The following GRM5 variants were observed in gnomAD, a reference collection of about 807,000 sequenced individuals.
The protein encoded by GRM5 is metabotropic glutamate receptor 5.
Under a neutral mutation model 83.1 loss-of-function variants are expected in GRM5, and 19 were observed. That is an observed-to-expected ratio of 0.23 (90% CI 0.16 to 0.34). The LOEUF is 0.34. Among genes scored for constraint, GRM5 ranks in the 10% least tolerant of loss-of-function variants. The pLI is 1.00. For synonymous variants in GRM5, 675 were observed against 633.6 expected, an observed-to-expected ratio of 1.07 and a Z score of -0.98; for missense variants, 1,160 against 1,588.3, an observed-to-expected ratio of 0.73 and a Z score of 4.58.
chr11:89,043,757 T>A (rs1406711518), intron 2 of GRM5, among the ~76,000 whole-genome samples: 1 of 152,122 alleles, frequency 6.6e-6, no homozygotes, highest in Non-Finnish European at 1.5e-5. Flanking sequence ...AATTATGTGA[T>A]TGCAATTAGC....
intron 2 of GRM5, among the ~76,000 whole-genome samples, chr11:89,006,142 C>G (rs1940517523): frequency 6.6e-6 from 1 of 152,092 alleles, no homozygotes; most frequent in Non-Finnish European, 1.5e-5. Flanking sequence ...AACAGTATAG[C>G]AGAAAGAGGA....
intron 3 of GRM5, among the ~76,000 whole-genome samples, chr11:88,660,413 A>T (rs887889283): frequency 9.9e-5 from 15 of 152,204 alleles, no homozygotes; most frequent in African/African-American, 3.6e-4. Flanking sequence ...GATTTTCACT[A>T]GTTGAACTCT....
intron 2 of GRM5, among the ~76,000 whole-genome samples, chr11:88,928,907 T>TATATATATAC (rs369951090): frequency 8.1e-4 from 112 of 138,754 alleles, no homozygotes; most frequent in East Asian, 1.3e-3. Context: ...TATGTGTATA[T>TATATATATAC]ACACACACAC....
At chr11:88,829,196 C>A (rs1307984342) in intron 3 of GRM5, among the ~76,000 whole-genome samples, 1 of 152,132 alleles carries the variant, frequency 6.6e-6, no homozygotes, top group South Asian at 2.1e-4. Context: ...CTTGGTGGCT[C>A]ATGCCTATAA....
intron 6 of GRM5, among the ~76,000 whole-genome samples, chr11:88,596,725 C>T (rs1437530892): frequency 6.6e-6 from 1 of 152,042 alleles, no homozygotes; most frequent in Non-Finnish European, 1.5e-5. Flanking sequence ...TCTTTCTTAA[C>T]AAAATCATCA....
intron 2 of GRM5, among the ~76,000 whole-genome samples, chr11:89,000,663 C>T (rs1277430011): frequency 6.6e-6 from 1 of 151,756 alleles, no homozygotes; most frequent in Non-Finnish European, 1.5e-5. Context: ...AATTTGACAC[C>T]AAATACAAGA....
intron 2 of GRM5, among the ~76,000 whole-genome samples, chr11:88,895,808 AG>A (rs1945220070): frequency 6.6e-6 from 1 of 151,984 alleles, no homozygotes; most frequent in African/African-American, 2.4e-5. Context: ...TATAGAATTA[AG>A]GTCTGTGTGA....
intron 2 of GRM5, among the ~76,000 whole-genome samples, chr11:88,859,580 TG>T (rs1944529048): frequency 6.6e-6 from 1 of 152,148 alleles, no homozygotes; most frequent in African/African-American, 2.4e-5. Flanking sequence ...TGAAACAATT[TG>T]CCAAATAATT....
chr11:88,732,622 C>A (rs939615155), intron 3 of GRM5, among the ~76,000 whole-genome samples: 1 of 152,010 alleles, frequency 6.6e-6, no homozygotes, highest in Non-Finnish European at 1.5e-5. Flanking sequence ...ATCAAAGTTT[C>A]TTTTCCTGCT....
intron 7 of GRM5, among the ~76,000 whole-genome samples, chr11:88,590,175 G>C (rs1937613780): frequency 6.6e-6 from 1 of 152,140 alleles, no homozygotes; most frequent in Non-Finnish European, 1.5e-5. Context: ...ACAATTAACA[G>C]AAGAAAAGAA....
intron 4 of GRM5, among the ~76,000 whole-genome samples, chr11:88,635,933 A>C (rs1939107632): frequency 6.6e-6 from 1 of 152,194 alleles, no homozygotes; most frequent in Non-Finnish European, 1.5e-5. Context: ...AATGTATTAA[A>C]ATTTTAGTTT....
At chr11:88,742,253 G>T (rs1942045356) in intron 3 of GRM5, among the ~76,000 whole-genome samples, 1 of 151,768 alleles carries the variant, frequency 6.6e-6, no homozygotes, top group African/African-American at 2.4e-5. Flanking sequence ...ACTTTATAAA[G>T]CACTTTCATA....
chr11:88,902,335 C>T (rs1450320234), intron 2 of GRM5, among the ~76,000 whole-genome samples: 4 of 152,046 alleles, frequency 2.6e-5, no homozygotes, highest in African/African-American at 9.7e-5. Context: ...CCCAGACTCA[C>T]ATTCTATCTG....
At chr11:88,536,019 T>C (rs1942122835) in intron 8 of GRM5, among the ~76,000 whole-genome samples, 1 of 152,214 alleles carries the variant, frequency 6.6e-6, no homozygotes, top group Non-Finnish European at 1.5e-5. Flanking sequence ...AATTGGTCCT[T>C]ATAATCATGG....
At position 88,794,289 on chromosome 11, in the gene GRM5, G is replaced by T. The variant is rs189160728; in HGVS notation, c.911+55617C>A. Among the ~76,000 whole-genome samples, 25 of 152,142 alleles carry T rather than the reference G, an allele frequency of 1.6e-4. No homozygotes were observed. The East Asian group carries it at 4.6e-3, about 28-fold the overall frequency. ...TTACCCCATGTTCAAGCCACTATTT[G>T]CACTAAATTAAAATGTTTCTAGTAA... is the stretch of plus-strand genomic sequence containing the variant. On this transcript the variant is annotated intron_variant, in intron 3 of 9. Transcript: ENST00000305447.
intron 2 of GRM5, among the ~76,000 whole-genome samples, chr11:89,015,287 C>A: frequency 6.6e-6 from 1 of 152,218 alleles, no homozygotes; most frequent in South Asian, 2.1e-4. Flanking sequence ...CCAGATCACA[C>A]AATTTAAAAT....
At chr11:88,720,588 A>G (rs917910056) in intron 3 of GRM5, among the ~76,000 whole-genome samples, 2 of 152,060 alleles carry the variant, frequency 1.3e-5, no homozygotes, top group Non-Finnish European at 2.9e-5. Context: ...AAAACACTCA[A>G]TGCAGAAAAA....
intron 9 of GRM5, among the ~76,000 whole-genome samples, chr11:88,524,720 G>A (rs754943948): frequency 2.0e-5 from 3 of 152,206 alleles, no homozygotes; most frequent in African/African-American, 7.2e-5. Context: ...GAGATGCAAA[G>A]CTATGGTAGC....
chr11:88,652,973 A>T (rs1939671571), intron 4 of GRM5, among the ~76,000 whole-genome samples, 195 bp downstream of exon 4: 1 of 152,114 alleles, frequency 6.6e-6, no homozygotes, highest in Non-Finnish European at 1.5e-5. Context: ...CACATAAAAT[A>T]TCACTAAATA....
Sources: gnomAD v4.1 joint callset for allele counts (sites outside exome capture counted in the v4.1 genomes callset) on GRCh38, gnomAD v4.1.1 for gene constraint, MANE v1.5 for transcripts, NCBI Gene and HGNC (gene_info 2026-07-23, HGNC 2026-07-21) for gene names.